Variants in PELO observed in about 807,000 individuals in gnomAD.
PELO encodes protein pelota homolog.
Under a neutral mutation model 25.9 loss-of-function variants are expected in PELO, and 19 were observed. The ratio of observed to expected loss-of-function variants is 0.73; its 90% CI spans 0.51 to 1.08. PELO has a LOEUF of 1.08. PELO is among the 50% of genes least tolerant of loss of function. PELO has a pLI of 0.00. For synonymous variants in PELO, 196 were observed against 192.2 expected (o/e 1.02, Z -0.16); for missense variants, 498 against 491.4 (o/e 1.01, Z -0.13).
Position 52,798,314 on chromosome 5 carries a change from GAA to G in PELO, c.-510-1568_-510-1567del, listed in dbSNP as rs200664487. Among the ~76,000 whole-genome samples, 1,514 of 152,296 alleles carry G rather than the reference GAA, an allele frequency of 9.9e-3. 15 individuals are homozygous for G. Among genetic ancestry groups the G allele is most frequent in the Non-Finnish European group, 0.014 (928 of 68,008 alleles). On this transcript the variant is annotated intron_variant, in intron 1 of 2. Coordinates refer to ENST00000274311, the MANE Select transcript of PELO (RefSeq NM_015946.5). ...AGACATAGAGAGCGAGAAACAAAGAGAAAAGAGGCCACAAATATTAATAAGTA... is the reference window on the plus strand; with the variant it reads ...AGACATAGAGAGCGAGAAACAAAGAGAAGAGGCCACAAATATTAATAAGTA...
chr5:52,793,718 G>A (rs1027483878), intron 1 of PELO, among the ~76,000 whole-genome samples: 2 of 151,978 alleles, frequency 1.3e-5, no homozygotes, highest in African/African-American at 2.4e-5. Flanking sequence ...TTCTCTTCAA[G>A]TGCCAAGTTT....
At chr5:52,795,886 A>T (rs1748331923) in intron 1 of PELO, among the ~76,000 whole-genome samples, 1 of 151,970 alleles carries the variant, frequency 6.6e-6, no homozygotes, top group Non-Finnish European at 1.5e-5. Flanking sequence ...GACTTATTTC[A>T]AGTTGGTAGA....
intron 1 of PELO, among the ~76,000 whole-genome samples, chr5:52,791,389 G>C (rs1748236057): frequency 6.6e-6 from 1 of 152,128 alleles, no homozygotes; most frequent in East Asian, 1.9e-4. Context: ...TCTAGTTATG[G>C]GAGGGTGGCC....
rs1435218101 is a variant in PELO, at chr5:52,801,962, T to G, written c.*122T>G. On this transcript the variant is annotated 3_prime_UTR_variant, in exon 3 of 3. Transcript: ENST00000274311. ...TTTTGATTCATACAGGGATTTCTTA[T>G]GTCTTTGGCTACACTAGATATTTTG... 3.0e-6 allele frequency: 2 copies of G among 672,428 alleles called. No homozygotes were observed. 41.7% of individuals were successfully genotyped at this position (672,428 alleles called of 1,614,324 possible).
intron 1 of PELO, among the ~76,000 whole-genome samples, chr5:52,792,106 GACT>G (rs1268840166): frequency 2.6e-5 from 4 of 152,128 alleles, no homozygotes; most frequent in East Asian, 3.8e-4. Flanking sequence ...ACTCAAGTAA[GACT>G]ACTATTTCTC....
intron 1 of PELO, among the ~76,000 whole-genome samples, chr5:52,794,105 G>T (rs1748293378): frequency 6.6e-6 from 1 of 151,930 alleles, no homozygotes; most frequent in African/African-American, 2.4e-5. Flanking sequence ...CCAAACAGGA[G>T]ATCCCTATTA....
rs1580029002 is a variant in PELO, at chr5:52,801,183, A to G, written c.726+63A>G. On this transcript the variant is annotated intron_variant, in intron 2 of 2. Transcript: ENST00000274311. ...AGAGGGATTGGTATAAACTACTCCT[A>G]AAGTTTTAGAACTGGGAAAAATAAG... is the stretch of plus-strand genomic sequence containing the variant. The G allele has an allele frequency of 5.5e-6, 8 of 1,448,062 alleles. No individual in the cohort carries two copies. The East Asian group carries it at 1.4e-4, about 25-fold the overall frequency. 89.7% of individuals were successfully genotyped at this position (1,448,062 alleles called of 1,614,324 possible).
At chr5:52,789,764 AAT>A (rs1288752873) in intron 1 of PELO, among the ~76,000 whole-genome samples, 28 of 152,360 alleles carry the variant, frequency 1.8e-4, no homozygotes, top group African/African-American at 6.7e-4. Context: ...GCAAAATCTG[AAT>A]ACAGTAGTTT....
chr5:52,796,804 G>C (rs756854184), intron 1 of PELO, among the ~76,000 whole-genome samples: 9 of 152,016 alleles, frequency 5.9e-5, no homozygotes, highest in Admixed American at 1.3e-4. Context: ...ATGGATTCAA[G>C]TTTACATGGT....
intron 1 of PELO, among the ~76,000 whole-genome samples, chr5:52,798,124 T>C (rs533145678): frequency 1.3e-5 from 2 of 152,330 alleles, no homozygotes; most frequent in South Asian, 4.1e-4. Flanking sequence ...TAAAATACAG[T>C]GTCCTTTGGA....
At position 52,802,230 on chromosome 5, in the gene PELO, G is replaced by A. The variant is rs996848438; in HGVS notation, c.*390G>A. 1 of 159,086 alleles carries A rather than the reference G, an allele frequency of 6.3e-6. No individual in the cohort carries two copies. The highest frequency in any genetic ancestry group is 2.4e-5 in the African/African-American group (1 of 41,552). The allele number at this position is 159,086 out of a possible 1,614,324, so 9.9% of individuals were successfully genotyped here. ...GAAAAAGCTTTTGCTATCTTATCCT[G>A]TTTACATTATTTCTTTATTTTAATT... On this transcript the variant is annotated 3_prime_UTR_variant, in exon 3 of 3. Coordinates refer to ENST00000274311, the MANE Select transcript of PELO (RefSeq NM_015946.5).
rs1748523338 is a variant in PELO, at chr5:52,803,225, A to G, written c.*1385A>G. 6.6e-6 allele frequency: 1 copy of G among 152,112 alleles called. No individual in the cohort carries two copies. Among genetic ancestry groups the G allele is most frequent in the Admixed American group, 6.6e-5 (1 of 15,264 alleles). The allele number at this position is 152,112 out of a possible 1,614,324, so 9.4% of individuals were successfully genotyped here. A position where few individuals can be genotyped will look rare whatever the true frequency, so the allele number is the denominator to read the frequency against. On this transcript the variant is annotated 3_prime_UTR_variant, in exon 3 of 3. Transcript: ENST00000274311. ...TGAACCTTTTTATTTCTTATTGGGA[A>G]CTGACACTTCCCTATACTTTAAAAC...
At chr5:52,790,917 GAAGAT>G (rs771432931) in intron 1 of PELO, among the ~76,000 whole-genome samples, 1 of 152,090 alleles carries the variant, frequency 6.6e-6, no homozygotes, top group Non-Finnish European at 1.5e-5. Context: ...TTTTGCCACT[GAAGAT>G]ATGACCTTGT....
rs1035121153 is a variant in PELO at position 52,803,229 on chromosome 5, A to C, written c.*1389A>C. ...CCTTTTTATTTCTTATTGGGAACTGACACTTCCCTATACTTTAAAACTCAC... is the reference window on the plus strand; with the variant it reads ...CCTTTTTATTTCTTATTGGGAACTGCCACTTCCCTATACTTTAAAACTCAC... On this transcript the variant is annotated 3_prime_UTR_variant, in exon 3 of 3. Transcript: ENST00000274311. 2 of 152,142 alleles carry C rather than the reference A, an allele frequency of 1.3e-5. No homozygotes were observed. Among genetic ancestry groups the C allele is most frequent in the African/African-American group, 2.4e-5 (1 of 41,410 alleles). The allele number at this position is 152,142 out of a possible 1,614,324, so 9.4% of individuals were successfully genotyped here. A position where few individuals can be genotyped will look rare whatever the true frequency, so the allele number is the denominator to read the frequency against.
At position 52,802,975 on chromosome 5, in the gene PELO, A is replaced by T. The variant is rs938596912; in HGVS notation, c.*1135A>T. The T allele has an allele frequency of 9.9e-5, 15 of 152,196 alleles. No individual in the cohort carries two copies. Among genetic ancestry groups the T allele is most frequent in the African/African-American group, 3.4e-4 (14 of 41,456 alleles). 9.4% of individuals were successfully genotyped at this position (152,196 alleles called of 1,614,324 possible). A position where few individuals can be genotyped will look rare whatever the true frequency, so the allele number is the denominator to read the frequency against. ...TGGTGCACATTCCTAAAAGTTAAGG[A>T]AGGAGCCTCAGTAATGGAATTGCTT... On this transcript the variant is annotated 3_prime_UTR_variant, in exon 3 of 3. Coordinates refer to ENST00000274311, the MANE Select transcript of PELO (RefSeq NM_015946.5).
At position 52,788,249 on chromosome 5, in the gene PELO, G is replaced by C. The variant is rs1748162932; in HGVS notation, c.-676G>C. On this transcript the variant is annotated 5_prime_UTR_variant, in exon 1 of 3. Transcript: ENST00000274311. ...CGCTGCCACTGGGGCAGAGGACTGG[G>C]AACCGCGGCAGCGGGATAAGTGGCC... 1 of 876,518 alleles carries C rather than the reference G, an allele frequency of 1.1e-6. No individual in the cohort carries two copies. Among genetic ancestry groups the C allele is most frequent in the Non-Finnish European group, 1.6e-6 (1 of 619,854 alleles). The allele number at this position is 876,518 out of a possible 1,614,324, so 54.3% of individuals were successfully genotyped here. A position where few individuals can be genotyped will look rare whatever the true frequency, so the allele number is the denominator to read the frequency against.
Position 52,800,232 on chromosome 5 carries a change from G to C in PELO, c.-163G>C. On this transcript the variant is annotated 5_prime_UTR_variant, in exon 2 of 3. Coordinates refer to ENST00000274311, the MANE Select transcript of PELO (RefSeq NM_015946.5). ...AAAGGATAGAGGAAGTGCTGCCCTA[G>C]GCTGCATGAGTCGAAGCAAGCGTGT... 1 of 663,688 alleles carries C rather than the reference G, an allele frequency of 1.5e-6. No homozygotes were observed. The highest frequency in any genetic ancestry group is 2.6e-6 in the Non-Finnish European group (1 of 385,030). The allele number at this position is 663,688 out of a possible 1,614,324, so 41.1% of individuals were successfully genotyped here. A position where few individuals can be genotyped will look rare whatever the true frequency, so the allele number is the denominator to read the frequency against.
In PELO at chr5:52,801,870, G is replaced by C; in HGVS notation, c.*30G>C. Reference sequence around the variant, plus strand: ...TGAAACTTAAAATTGAGACAATCTTGTGTTTCCTAAACTGTTACAGTACAT... The same window carrying C: ...TGAAACTTAAAATTGAGACAATCTTCTGTTTCCTAAACTGTTACAGTACAT... On this transcript the variant is annotated 3_prime_UTR_variant, in exon 3 of 3. Coordinates refer to ENST00000274311, the MANE Select transcript of PELO (RefSeq NM_015946.5). The C allele has an allele frequency of 6.7e-7, 1 of 1,502,180 alleles. No homozygotes were observed. Among genetic ancestry groups the C allele is most frequent in the Non-Finnish European group, 9.0e-7 (1 of 1,109,168 alleles). The allele number at this position is 1,502,180 out of a possible 1,614,324, so 93.1% of individuals were successfully genotyped here.
intron 1 of PELO, among the ~76,000 whole-genome samples, chr5:52,798,802 C>A (rs1532556): frequency 0.91 from 138,372 of 152,212 alleles, 62,977 homozygotes; most frequent in Middle Eastern, 0.93. Flanking sequence ...GGTAAATTTT[C>A]ATAGAAACAC....
Sources: gnomAD v4.1 joint callset for allele counts (sites outside exome capture counted in the v4.1 genomes callset) on GRCh38, gnomAD v4.1.1 for gene constraint, MANE v1.5 for transcripts, NCBI Gene and HGNC (gene_info 2026-07-23, HGNC 2026-07-21) for gene names.